DIAPH2: variants seen among roughly 807,000 people sequenced by gnomAD.
The protein encoded by DIAPH2 is protein diaphanous homolog 2.
A neutral mutation model predicts 92.7 loss-of-function variants in DIAPH2; 35 were observed. The observed-to-expected ratio is 0.38, with a 90% confidence interval of 0.29 to 0.50. The LOEUF is 0.50. DIAPH2 is among the 20% of genes least tolerant of loss of function. The pLI is 0.94. For synonymous variants in DIAPH2, 301 were observed against 280.4 expected (o/e 1.07, Z -0.73); for missense variants, 701 against 819.5 (o/e 0.86, Z 1.77).
At chrX:96,767,477 T>C (rs1319785400) in intron 4 of DIAPH2, among the ~76,000 whole-genome samples, 2 of 111,943 alleles carry the variant, frequency 1.8e-5, no homozygotes, top group African/African-American at 6.5e-5. Flanking sequence ...TTTTGAAGTA[T>C]ATTGTTTATG....
At chrX:96,896,849 T>A (rs938467824) in intron 5 of DIAPH2, among the ~76,000 whole-genome samples, 1 of 112,088 alleles carries the variant, frequency 8.9e-6, no homozygotes, top group Admixed American at 9.5e-5. Context: ...CTGCATTTAG[T>A]CCTACAAATG....
intron 1 of DIAPH2, among the ~76,000 whole-genome samples, chrX:96,709,269 G>A (rs950993439): frequency 2.4e-4 from 27 of 111,800 alleles, no homozygotes; most frequent in African/African-American, 6.5e-4. Context: ...ATATGCCAGT[G>A]GTAATTGCTA....
rs183552250 is a variant in DIAPH2 at position 97,330,210 on chromosome X, C to T, written c.2845-17906C>T. Among the ~76,000 whole-genome samples, 4 of 108,402 alleles carry T rather than the reference C, an allele frequency of 3.7e-5. No homozygotes were observed. The Admixed American group carries it at 4.0e-4, about 11-fold the overall frequency. 94.1% of individuals were successfully genotyped at this position (108,402 alleles called of 115,157 possible). On this transcript the variant is annotated intron_variant, in intron 23 of 26. Transcript: ENST00000324765. Reference sequence around the variant, plus strand: ...AAACACATAATGTGAAATCTACCCTCTTAATAAATTTTTGAATGTACAGTA... The same window carrying T: ...AAACACATAATGTGAAATCTACCCTTTTAATAAATTTTTGAATGTACAGTA...
chrX:97,323,956 A>G (rs183618539), intron 23 of DIAPH2, among the ~76,000 whole-genome samples: 148 of 109,991 alleles, frequency 1.3e-3, no homozygotes, highest in Middle Eastern at 4.7e-3. Context: ...GGCTCTTTAT[A>G]GGCTAAATCA....
At chrX:97,286,692 C>T (rs1369443016) in intron 23 of DIAPH2, among the ~76,000 whole-genome samples, 1 of 111,151 alleles carries the variant, frequency 9.0e-6, no homozygotes, top group Non-Finnish European at 1.9e-5. Flanking sequence ...ACGTGGCTCA[C>T]TTCTAGTCCA....
At chrX:96,827,721 G>C (rs1447341846) in intron 4 of DIAPH2, among the ~76,000 whole-genome samples, 2 of 112,137 alleles carry the variant, frequency 1.8e-5, no homozygotes, top group Non-Finnish European at 3.8e-5. Context: ...TAAAACATAA[G>C]AACAGTCCAT....
At chrX:96,756,857 C>T (rs5949996) in intron 3 of DIAPH2, among the ~76,000 whole-genome samples, 22,520 of 107,462 alleles carry the variant, frequency 0.21, 1,935 homozygotes, top group East Asian at 0.31. Flanking sequence ...TGCATTTCCC[C>T]ACAGATTAAT....
At chrX:97,329,631 T>G (rs2068979478) in intron 23 of DIAPH2, among the ~76,000 whole-genome samples, 1 of 110,956 alleles carries the variant, frequency 9.0e-6, no homozygotes, top group African/African-American at 3.3e-5. Context: ...GGGAGTAACA[T>G]GTCCTCCAAG....
intron 22 of DIAPH2, among the ~76,000 whole-genome samples, chrX:97,227,977 T>C (rs1265681777): frequency 9.0e-6 from 1 of 111,489 alleles, no homozygotes; most frequent in East Asian, 2.8e-4. Context: ...ATGAGCTCAC[T>C]GCAGCCTCCA....
Position 97,049,160 on chromosome X carries a change from A to C in DIAPH2, c.2051-23781A>C, listed in dbSNP as rs191900612. 9.0e-5 allele frequency among the ~76,000 whole-genome samples: 10 copies of C among 110,810 alleles called. No individual in the cohort carries two copies. The Admixed American group carries it at 9.6e-4, about 11-fold the overall frequency. Reference sequence around the variant, plus strand: ...TATATATGTCTCATCGGTTTGATGCAGGTGAGAGGTAATTTTGAGCCCATA... The same window carrying C: ...TATATATGTCTCATCGGTTTGATGCCGGTGAGAGGTAATTTTGAGCCCATA... On this transcript the variant is annotated intron_variant, in intron 17 of 26. Transcript: ENST00000324765.
intron 22 of DIAPH2, among the ~76,000 whole-genome samples, chrX:97,145,282 C>CAGTAGTAGTAGTAGTAGTAGTAGTAGT (rs3044923): frequency 6.5e-5 from 6 of 92,105 alleles, no homozygotes; most frequent in African/African-American, 2.0e-4. Flanking sequence ...GAACTACTAC[C>CAGTAGTAGTAGTAGTAGTAGTAGTAGT]AGTAGTAGTA....
intron 25 of DIAPH2, 89 bp from the exon 26 acceptor site, chrX:97,429,561 T>G: frequency 9.0e-7 from 1 of 1,110,165 alleles, no homozygotes; most frequent in Non-Finnish European, 1.2e-6. Flanking sequence ...AGGGGTATTA[T>G]GTAAATCTGA....
At position 97,469,871 on chromosome X, in the gene DIAPH2, T is replaced by C. The variant is rs1025427540; in HGVS notation, c.3241+40126T>C. 3.8e-6 allele frequency: 4 copies of C among 1,065,191 alleles called. No individual in the cohort carries two copies. The Admixed American group carries it at 1.4e-4, about 38-fold the overall frequency. The allele number at this position is 1,065,191 out of a possible 1,213,427, so 87.8% of individuals were successfully genotyped here. On this transcript the variant is annotated intron_variant, in intron 26 of 26. Coordinates refer to ENST00000324765, the MANE Select transcript of DIAPH2 (RefSeq NM_006729.5). The stretch of plus-strand genomic sequence containing the variant: ...TGTCTGGTGCTCTTTTCTTTCTGCC[T>C]AAGGCTTTCTGATAAAATTTATGCT...
intron 4 of DIAPH2, among the ~76,000 whole-genome samples, chrX:96,871,041 G>T (rs1482372313): frequency 8.9e-6 from 1 of 112,145 alleles, no homozygotes; most frequent in Non-Finnish European, 1.9e-5. Context: ...TCTTACTGTT[G>T]TTCCTATCTT....
chrX:97,478,622 G>C (rs2070627837), intron 26 of DIAPH2, among the ~76,000 whole-genome samples: 1 of 112,175 alleles, frequency 8.9e-6, no homozygotes, highest in Non-Finnish European at 1.9e-5. Context: ...GGCTTGGAAA[G>C]TGATGCTTTT....
rs183018328 is a variant in DIAPH2 at position 97,414,759 on chromosome X, A to G, written c.3146-14891A>G. ...AAGTGTTAGACATAAAGCCATAAAAACCCTAGAAGAAAACCTAGGCAATAC... is the reference window on the plus strand; with the variant it reads ...AAGTGTTAGACATAAAGCCATAAAAGCCCTAGAAGAAAACCTAGGCAATAC... On this transcript the variant is annotated intron_variant, in intron 25 of 26. Transcript: ENST00000324765. Among the ~76,000 whole-genome samples the G allele has an allele frequency of 7.2e-3, 797 of 111,416 alleles. 3 individuals are homozygous for G. Among genetic ancestry groups the G allele is most frequent in the Middle Eastern group, 0.014 (3 of 215 alleles).
intron 26 of DIAPH2, among the ~76,000 whole-genome samples, chrX:97,447,801 C>T (rs899903255): frequency 2.7e-5 from 3 of 111,972 alleles, no homozygotes; most frequent in African/African-American, 9.7e-5. Context: ...ATTTGACTTG[C>T]GTGTGGGGCA....
intron 26 of DIAPH2, among the ~76,000 whole-genome samples, chrX:97,471,887 TTAAG>T (rs1418445967): frequency 1.8e-5 from 2 of 110,514 alleles, no homozygotes; most frequent in African/African-American, 6.6e-5. Flanking sequence ...ATTAGAGAAG[TTAAG>T]TAGCTTGGGC....
chrX:96,985,584 A>G (rs2066026076), intron 17 of DIAPH2, among the ~76,000 whole-genome samples: 1 of 110,917 alleles, frequency 9.0e-6, no homozygotes, highest in Non-Finnish European at 1.9e-5. Flanking sequence ...AGCAATTGCT[A>G]TGTTTTGCAA....
Sources: allele counts gnomAD v4.1 joint callset (sites outside exome capture counted in the v4.1 genomes callset), GRCh38; gene constraint gnomAD v4.1.1; transcripts MANE v1.5; gene names NCBI Gene and HGNC (gene_info 2026-07-23, HGNC 2026-07-21).